COMMD1: variants seen among roughly 807,000 people sequenced by gnomAD.
The protein encoded by COMMD1 is copper metabolism domain containing 1, also known as COMM domain-containing protein 1.
A neutral mutation model predicts 17.2 loss-of-function variants in COMMD1; 10 were observed. That is an observed-to-expected ratio of 0.58 (90% CI 0.36 to 0.99). The LOEUF (loss-of-function observed/expected upper bound fraction) is 0.99, where lower values mean the gene tolerates loss of function less well. Ranked by LOEUF, COMMD1 falls within the 50% of genes least tolerant of loss-of-function variation. COMMD1 has a pLI of 0.01. For synonymous variants in COMMD1, 97 were observed against 91.6 expected, an observed-to-expected ratio of 1.06 and a Z score of -0.34; for missense variants, 270 against 231.8, an observed-to-expected ratio of 1.17 and a Z score of -1.07.
chr2:61,971,582 A>G (rs148591529), intron 1 of COMMD1, among the ~76,000 whole-genome samples: 122 of 152,214 alleles, frequency 8.0e-4, no homozygotes, highest in African/African-American at 2.6e-3. Context: ...AAAGAATAAA[A>G]GATTAATCAG....
At chr2:61,889,131 G>A (rs1473211581) in intron 1 of COMMD1, among the ~76,000 whole-genome samples, 1 of 146,202 alleles carries the variant, frequency 6.8e-6, no homozygotes, top group East Asian at 2.0e-4. Flanking sequence ...TCGAACTCCC[G>A]ACCTCAGGTG....
intron 1 of COMMD1, among the ~76,000 whole-genome samples, chr2:61,974,805 C>A (rs1010278182): frequency 6.6e-6 from 1 of 152,030 alleles, no homozygotes; most frequent in African/African-American, 2.4e-5. Context: ...TTGCAGTTTC[C>A]CCTATTAATA....
chr2:61,962,234 T>G (rs973672135), intron 1 of COMMD1, among the ~76,000 whole-genome samples: 2 of 152,180 alleles, frequency 1.3e-5, no homozygotes, highest in Non-Finnish European at 2.9e-5. Flanking sequence ...CCACTACTTC[T>G]GCTTGGAAGT....
chr2:61,992,805 A>G (rs118159287), intron 1 of COMMD1, among the ~76,000 whole-genome samples: 1 of 152,296 alleles, frequency 6.6e-6, no homozygotes, highest in East Asian at 1.9e-4. Flanking sequence ...TCAAATTTTT[A>G]TTCCTCTGCG....
At chr2:61,933,309 T>TAGCTGCTGGTATCCCTAACACTC (rs1670518189) in intron 1 of COMMD1, among the ~76,000 whole-genome samples, 1 of 151,898 alleles carries the variant, frequency 6.6e-6, no homozygotes, top group African/African-American at 2.4e-5. Flanking sequence ...CCCTGATGCT[T>TAGCTGCTGGTATCCCTAACACTC]AGCTGCTGGT....
intron 1 of COMMD1, among the ~76,000 whole-genome samples, chr2:61,969,989 G>A (rs190604543): frequency 9.4e-4 from 143 of 152,146 alleles, no homozygotes; most frequent in Non-Finnish European, 1.0e-3. Flanking sequence ...GGGCACAGTG[G>A]CTCACACCTG....
chr2:61,947,092 A>G (rs913658568), intron 1 of COMMD1, among the ~76,000 whole-genome samples: 2 of 152,200 alleles, frequency 1.3e-5, no homozygotes, highest in Non-Finnish European at 2.9e-5. Context: ...CACATGTTCT[A>G]GAAATATAAA....
At chr2:62,054,957 A>G (rs1670649345) in intron 2 of COMMD1, among the ~76,000 whole-genome samples, 1 of 152,182 alleles carries the variant, frequency 6.6e-6, no homozygotes. Flanking sequence ...GGAGAACCTA[A>G]TGCCTGATGA....
At chr2:62,039,234 G>T (rs762784292) in intron 2 of COMMD1, among the ~76,000 whole-genome samples, 1 of 152,192 alleles carries the variant, frequency 6.6e-6, no homozygotes, top group Non-Finnish European at 1.5e-5. Flanking sequence ...CAGAGAATAT[G>T]CACTTCACAT....
intron 2 of COMMD1, among the ~76,000 whole-genome samples, chr2:62,051,962 A>G (rs868805267): frequency 1.3e-5 from 2 of 152,214 alleles, no homozygotes; most frequent in African/African-American, 4.8e-5. Context: ...TTATATTGGA[A>G]GAATAGTAAT....
intron 1 of COMMD1, among the ~76,000 whole-genome samples, chr2:61,955,643 G>T (rs539551834): frequency 1.3e-5 from 2 of 152,136 alleles, no homozygotes; most frequent in East Asian, 3.9e-4. Flanking sequence ...TTGAGTTTGT[G>T]TGTGTGTGAA....
chr2:62,043,437 G>A (rs1235145477), intron 2 of COMMD1, among the ~76,000 whole-genome samples: 2 of 152,044 alleles, frequency 1.3e-5, no homozygotes, highest in Non-Finnish European at 2.9e-5. Context: ...AATTTTTGTT[G>A]TTGTTGTTAC....
chr2:62,013,888 A>G lies in COMMD1; in HGVS notation c.462+12906A>G, dbSNP rs144324254. Among the ~76,000 whole-genome samples, 360 of 152,340 alleles carry G rather than the reference A, an allele frequency of 2.4e-3. 2 individuals carry two copies. Among genetic ancestry groups the G allele is most frequent in the African/African-American group, 7.4e-3 (306 of 41,578 alleles). On this transcript the variant is annotated intron_variant, in intron 2 of 2. Coordinates refer to ENST00000311832, the MANE Select transcript of COMMD1 (RefSeq NM_152516.4). ...CTTGGGGAAAAATATGAAAGAAATC[A>G]TTTAACATTTGGCAGTTAAGAAGAT...
At chr2:62,086,149 T>A (rs1671662721) in intron 2 of COMMD1, among the ~76,000 whole-genome samples, 1 of 151,990 alleles carries the variant, frequency 6.6e-6, no homozygotes, top group African/African-American at 2.4e-5. Context: ...ACTGCTGCAC[T>A]CCAGCCTGGG....
intron 1 of COMMD1, among the ~76,000 whole-genome samples, chr2:61,941,560 C>T (rs752051928): frequency 2.0e-5 from 3 of 152,114 alleles, no homozygotes; most frequent in Non-Finnish European, 4.4e-5. Context: ...GTTTCATCTG[C>T]GGTGCTCTAC....
intron 1 of COMMD1, among the ~76,000 whole-genome samples, chr2:61,975,983 G>A (rs1043279493): frequency 2.0e-5 from 3 of 152,130 alleles, no homozygotes; most frequent in Non-Finnish European, 4.4e-5. Flanking sequence ...ATTAGATCCA[G>A]GTGATTAGTA....
At chr2:61,980,843 C>T (rs1300187419) in intron 1 of COMMD1, among the ~76,000 whole-genome samples, 1 of 152,140 alleles carries the variant, frequency 6.6e-6, no homozygotes, top group African/African-American at 2.4e-5. Flanking sequence ...GGATATAAGT[C>T]ATTTTAACTG....
At chr2:61,988,134 G>A (rs1191173889) in intron 1 of COMMD1, among the ~76,000 whole-genome samples, 1 of 152,184 alleles carries the variant, frequency 6.6e-6, no homozygotes, top group African/African-American at 2.4e-5. Context: ...AGGCTCCAGA[G>A]TCTGTTTGGT....
chr2:61,977,489 C>T (rs961228417), intron 1 of COMMD1, among the ~76,000 whole-genome samples: 2 of 151,440 alleles, frequency 1.3e-5, no homozygotes, highest in Non-Finnish European at 2.9e-5. Flanking sequence ...GGTGATGTGC[C>T]CGCCTCGGCC....
Sources: allele counts gnomAD v4.1 joint callset (sites outside exome capture counted in the v4.1 genomes callset), GRCh38; gene constraint gnomAD v4.1.1; transcripts MANE v1.5; gene names NCBI Gene and HGNC (gene_info 2026-07-23, HGNC 2026-07-21).